The following PRPF8 variants were observed in gnomAD, a reference collection of about 807,000 sequenced individuals.
The protein encoded by PRPF8 is pre-mRNA-processing-splicing factor 8.
In PRPF8, 64 loss-of-function variants were observed where a neutral mutation model predicts 285.9. The ratio of observed to expected loss-of-function variants is 0.22; its 90% CI spans 0.18 to 0.28. The LOEUF (loss-of-function observed/expected upper bound fraction) is 0.28, where lower values mean the gene tolerates loss of function less well. Ranked by LOEUF, PRPF8 falls within the 10% of genes least tolerant of loss-of-function variation. The probability of loss-of-function intolerance (pLI) is 1.00; values close to 1 mark genes in which losing one functional copy is unlikely to be tolerated. For missense variants in PRPF8, 1,426 were observed against 3,026.7 expected (o/e 0.47, Z 12.41); for synonymous variants, 1,325 against 1,118.2 (o/e 1.18, Z -3.69).
intron 24 of PRPF8, among the ~76,000 whole-genome samples, chr17:1,668,005 GCTT>G (rs1597238460): frequency 6.6e-6 from 1 of 152,168 alleles, no homozygotes; most frequent in Non-Finnish European, 1.5e-5. Context: ...AAGTAATATG[GCTT>G]ACTAAATACC....
In PRPF8 at chr17:1,681,870, G is replaced by T. The variant is rs148215037; in HGVS notation, c.603C>A (p.Ala201=). ...IQLELDPEED[A]PVLDWFYDHQ... ...GGTCATAGAACCAGTCCAACACAGG[G>T]GCGTCCTCCTCAGGGTCCAGCTCTA... Residue 201 remains alanine, a synonymous_variant, in exon 5 of 43, where the codon GCC becomes GCA. Coordinates refer to ENST00000304992, the MANE Select transcript of PRPF8 (RefSeq NM_006445.4). 4 of 1,613,872 alleles carry T rather than the reference G, an allele frequency of 2.5e-6. No homozygotes were observed. Among genetic ancestry groups the T allele is most frequent in the Non-Finnish European group, 3.4e-6 (4 of 1,179,986 alleles).
chr17:1,654,473 A>C (rs1911247073), intron 37 of PRPF8: 1 of 301,806 alleles, frequency 3.3e-6, no homozygotes, highest in African/African-American at 2.2e-5. Flanking sequence ...GGATGTTCAA[A>C]ATTCTTCCCA....
chr17:1,658,884 G>A lies in PRPF8; in HGVS notation c.5139-121C>T. On this transcript the variant is annotated intron_variant, in intron 32 of 42. Coordinates refer to ENST00000304992, the MANE Select transcript of PRPF8 (RefSeq NM_006445.4). This position sits in a 1 kb window ranked among gnomAD's most constrained non-coding sequence, Gnocchi z 4.1. ...GCCAGGCTGACAACACTCTGCTCAT[G>A]TGTACATACAGGCTGGAGAAGAGAA... is the stretch of plus-strand genomic sequence containing the variant. 1.2e-6 allele frequency: 1 copy of A among 859,126 alleles called. No individual in the cohort carries two copies. The highest frequency in any genetic ancestry group is 2.0e-6 in the Non-Finnish European group (1 of 511,530). The allele number at this position is 859,126 out of a possible 1,614,324, so 53.2% of individuals were successfully genotyped here. A position where few individuals can be genotyped will look rare whatever the true frequency, so the allele number is the denominator to read the frequency against.
At chr17:1,663,731 AAAAAAAAAG>A (rs1355662505) in intron 24 of PRPF8, among the ~76,000 whole-genome samples, 71 of 148,402 alleles carry the variant, frequency 4.8e-4, no homozygotes, top group African/African-American at 1.6e-3. Flanking sequence ...AAAAAAAAAA[AAAAAAAAAG>A]AGCCAACTAT....
At chr17:1,654,740 T>G (rs1272195324) in intron 37 of PRPF8, 1 of 163,148 alleles carries the variant, frequency 6.1e-6, no homozygotes, top group African/African-American at 2.4e-5. Flanking sequence ...CAAGCAAGCC[T>G]CCTGCCTCAG....
At chr17:1,665,327 C>A (rs145474742) in intron 24 of PRPF8, among the ~76,000 whole-genome samples, 2,617 of 151,140 alleles carry the variant, frequency 0.017, 34 homozygotes, top group South Asian at 0.073. Context: ...ATCACGAGGT[C>A]AGGAGATCAA....
chr17:1,676,836 G>C lies in PRPF8; in HGVS notation c.2182-125C>G. ...GCTCAGGAGCTTGAGGCCAGCCTAA[G>C]CAACATGGTGCTTCTTTTCCCTGTC... On this transcript the variant is annotated intron_variant, in intron 15 of 42. Transcript: ENST00000304992. This position sits in a 1 kb window ranked among gnomAD's most constrained non-coding sequence, Gnocchi z 6.3. The C allele has an allele frequency of 6.8e-7, 1 of 1,465,032 alleles. No homozygotes were observed. Among genetic ancestry groups the C allele is most frequent in the East Asian group, 2.3e-5 (1 of 44,180 alleles). The allele number at this position is 1,465,032 out of a possible 1,614,324, so 90.8% of individuals were successfully genotyped here. A position where few individuals can be genotyped will look rare whatever the true frequency, so the allele number is the denominator to read the frequency against.
At chr17:1,680,140 A>G (rs868510492) in intron 8 of PRPF8, among the ~76,000 whole-genome samples, 11 of 152,206 alleles carry the variant, frequency 7.2e-5, no homozygotes, top group Middle Eastern at 3.2e-3. Context: ...ATGAGCATCA[A>G]AAACATTATG....
At position 1,659,260 on chromosome 17, in the gene PRPF8, A is replaced by G; in HGVS notation, c.5138+97T>C. On this transcript the variant is annotated intron_variant, in intron 32 of 42. Coordinates refer to ENST00000304992, the MANE Select transcript of PRPF8 (RefSeq NM_006445.4). The surrounding 1 kb of genome is among the most constrained non-coding windows in gnomAD (Gnocchi z 5.1). Reference sequence around the variant, plus strand: ...AGACTGGTCTCAAACTCCTGAGCTCAGACAATCTGCCCACCGCGGCCTCCC... The same window carrying G: ...AGACTGGTCTCAAACTCCTGAGCTCGGACAATCTGCCCACCGCGGCCTCCC... 3.6e-6 allele frequency: 5 copies of G among 1,391,260 alleles called. No individual in the cohort carries two copies. Among genetic ancestry groups the G allele is most frequent in the Non-Finnish European group, 4.1e-6 (4 of 983,742 alleles). 86.2% of individuals were successfully genotyped at this position (1,391,260 alleles called of 1,614,324 possible).
intron 39 of PRPF8, among the ~76,000 whole-genome samples, chr17:1,652,459 G>C (rs1174778135): frequency 6.6e-6 from 1 of 152,178 alleles, no homozygotes; most frequent in Non-Finnish European, 1.5e-5. Context: ...AGCTGGTCTT[G>C]AACTCCTGAC....
At position 1,675,938 on chromosome 17, in the gene PRPF8, GCTCT is replaced by G. The variant is rs1912582692; in HGVS notation, c.2665_2668del (p.Arg889ProfsTer28). The stretch of plus-strand genomic sequence containing the variant: ...GGAGGCCTCACTCACCTCTTTGAAG[GCTCT>G]CTGTGTGAGGAGGTGACGCTTGATG... On this transcript the variant is annotated frameshift_variant, in exon 18 of 43. Transcript: ENST00000304992. LOFTEE classifies it high-confidence loss of function. The surrounding 1 kb of genome is among the most constrained non-coding windows in gnomAD (Gnocchi z 6.0). 3 of 1,614,168 alleles carry G rather than the reference GCTCT, an allele frequency of 1.9e-6. No individual in the cohort carries two copies. Among genetic ancestry groups the G allele is most frequent in the Non-Finnish European group, 2.5e-6 (3 of 1,180,034 alleles).
At position 1,655,337 on chromosome 17, in the gene PRPF8, C is replaced by A. The variant is rs780394177; in HGVS notation, c.5987+13G>T. ...ATAGACCTCCTGTCTGTGTCCCCAC[C>A]AGCACTGCTCACTTGTTTTTCTTGC... On this transcript the variant is annotated intron_variant, in intron 37 of 42. Transcript: ENST00000304992. 3.7e-5 allele frequency: 59 copies of A among 1,612,544 alleles called. No homozygotes were observed. The South Asian group carries it at 6.3e-4, about 17-fold the overall frequency.
In PRPF8 at chr17:1,655,541, G is replaced by A; in HGVS notation, c.5796C>T (p.Ala1932=). The change falls in exon 37 of 43, where the codon GCC becomes GCT. Residue 1932 remains alanine (A), a splice_region_variant and synonymous_variant. Transcript: ENST00000304992. ...GCAGAATCAGGATGAGACGGGAGAA[G>A]GCCTGGGAAAAGATTTGGAAGAGTG... is the stretch of plus-strand genomic sequence containing the variant. ...DWLKTISSYT[A]FSRLILILRA... 1 of 1,612,186 alleles carries A rather than the reference G, an allele frequency of 6.2e-7. No individual in the cohort carries two copies. The highest frequency in any genetic ancestry group is 2.2e-5 in the East Asian group (1 of 44,872).
At chr17:1,684,378 G>A (rs1182376400) in intron 2 of PRPF8, 94 bp downstream of exon 2, 26 of 1,244,242 alleles carry the variant, frequency 2.1e-5, no homozygotes, top group East Asian at 1.2e-4. Flanking sequence ...TGACACCTCA[G>A]GAGCTGCCCA....
intron 24 of PRPF8, among the ~76,000 whole-genome samples, chr17:1,663,179 T>C (rs1911769649): frequency 6.6e-6 from 1 of 151,990 alleles, no homozygotes. Flanking sequence ...GTATATACTG[T>C]AAACCTTAGA....
chr17:1,683,920 T>G (rs1913083024), intron 2 of PRPF8, among the ~76,000 whole-genome samples: 1 of 150,366 alleles, frequency 6.7e-6, no homozygotes, highest in African/African-American at 2.5e-5. Flanking sequence ...GTTGTTTCAC[T>G]CTGTCTCCCA....
At position 1,658,135 on chromosome 17, in the gene PRPF8, A is replaced by G. The variant is rs1299393430; in HGVS notation, c.5505+118T>C. On this transcript the variant is annotated intron_variant, in intron 34 of 42. Transcript: ENST00000304992. The surrounding 1 kb of genome is among the most constrained non-coding windows in gnomAD (Gnocchi z 4.1). ...ATACTTCCCAAGGTATTTTGGGGAT[A>G]AGTTCAAATGAGATGTTCTCAGCCT... The G allele has an allele frequency of 9.5e-6, 14 of 1,466,966 alleles. No homozygotes were observed. In the East Asian group the frequency reaches 2.8e-4, roughly 30 times the overall value. The allele number at this position is 1,466,966 out of a possible 1,614,324, so 90.9% of individuals were successfully genotyped here.
In PRPF8 at chr17:1,675,879, C is replaced by G; in HGVS notation, c.2679+49G>C. ...CTACCTTTGGTAGAACCAAAGGCAA[C>G]TGCTACCTTTGGTAGAACCAAAAAG... On this transcript the variant is annotated intron_variant, in intron 18 of 42. Coordinates refer to ENST00000304992, the MANE Select transcript of PRPF8 (RefSeq NM_006445.4). This position sits in a 1 kb window ranked among gnomAD's most constrained non-coding sequence, Gnocchi z 6.0. The G allele has an allele frequency of 6.2e-7, 1 of 1,608,810 alleles. No homozygotes were observed. Among genetic ancestry groups the G allele is most frequent in the Middle Eastern group, 1.7e-4 (1 of 6,046 alleles).
In PRPF8 at chr17:1,677,697, A is replaced by T; in HGVS notation, c.1855-3T>A. On this transcript the variant is annotated splice_region_variant and splice_polypyrimidine_tract_variant and intron_variant, in intron 13 of 42. Transcript: ENST00000304992. ...CCAGGACCCTTCCCTACAGGGCCCT[A>T]CGATCCCAAGCAGAAGTTAAGAATA... 1 of 1,613,920 alleles carries T rather than the reference A, an allele frequency of 6.2e-7. No individual in the cohort carries two copies. The highest frequency in any genetic ancestry group is 8.5e-7 in the Non-Finnish European group (1 of 1,180,004).
Sources: allele counts gnomAD v4.1 joint callset (sites outside exome capture counted in the v4.1 genomes callset), GRCh38; gene constraint gnomAD v4.1.1; non-coding constraint Gnocchi (gnomAD v3.1); transcripts MANE v1.5; gene names NCBI Gene and HGNC (gene_info 2026-07-23, HGNC 2026-07-21).